TMEM120B: variants seen among roughly 807,000 people sequenced by gnomAD.
TMEM120B encodes transmembrane protein 120B.
TMEM120B carries 31 observed loss-of-function variants against 55.5 expected under a neutral mutation model. The observed-to-expected ratio is 0.56, with a 90% CI of 0.42 to 0.75. TMEM120B has a LOEUF of 0.75. TMEM120B is among the 30% of genes least tolerant of loss of function. The pLI is 0.00. For synonymous variants in TMEM120B, 203 were observed against 176.3 expected, an observed-to-expected ratio of 1.15 and a Z score of -1.20; for missense variants, 399 against 425.5, an observed-to-expected ratio of 0.94 and a Z score of 0.55.
At chr12:121,771,249 C>A (rs994746777) in intron 7 of TMEM120B, among the ~76,000 whole-genome samples, 4 of 152,104 alleles carry the variant, frequency 2.6e-5, no homozygotes, top group Admixed American at 6.5e-5. Context: ...AAGGAGACTG[C>A]GGAGGACAGA....
intron 1 of TMEM120B, among the ~76,000 whole-genome samples, chr12:121,729,400 G>C (rs970890192): frequency 1.3e-5 from 2 of 152,222 alleles, no homozygotes; most frequent in African/African-American, 4.8e-5. Flanking sequence ...AATGCCCCAT[G>C]CACAGTGCAT....
intron 1 of TMEM120B, among the ~76,000 whole-genome samples, chr12:121,731,684 TTC>T (rs752551189): frequency 2.1e-4 from 32 of 152,352 alleles, no homozygotes; most frequent in Non-Finnish European, 3.1e-4. Context: ...AATAATGCAT[TTC>T]TTAGAACGAT....
chr12:121,780,498 A>T lies in TMEM120B; in HGVS notation c.*4776A>T, dbSNP rs962165724. The stretch of plus-strand genomic sequence containing the variant: ...GTGAAGGGGACGCCTACTTTCAAAC[A>T]AGGCAGACAGGACACGACAGGACGG... On this transcript the variant is annotated 3_prime_UTR_variant, in exon 12 of 12. Coordinates refer to ENST00000449592, the MANE Select transcript of TMEM120B (RefSeq NM_001080825.2). The T allele has an allele frequency of 2.4e-5, 9 of 374,282 alleles. No individual in the cohort carries two copies. The highest frequency in any genetic ancestry group is 6.2e-5 in the African/African-American group (3 of 48,376). The allele number at this position is 374,282 out of a possible 1,614,324, so 23.2% of individuals were successfully genotyped here.
At position 121,776,832 on chromosome 12, in the gene TMEM120B, C is replaced by G. The variant is rs927316383; in HGVS notation, c.*1110C>G. ...TTTTTTTTGAGACAGGGTCTGTTGC[C>G]TAGGCGGGAGTGCAGTGGCATCATA... is the stretch of plus-strand genomic sequence containing the variant. On this transcript the variant is annotated 3_prime_UTR_variant, in exon 12 of 12. Coordinates refer to ENST00000449592, the MANE Select transcript of TMEM120B (RefSeq NM_001080825.2). The G allele has an allele frequency of 6.6e-6, 1 of 151,798 alleles. No homozygotes were observed. Among genetic ancestry groups the G allele is most frequent in the African/African-American group, 2.4e-5 (1 of 41,194 alleles). 9.4% of individuals were successfully genotyped at this position (151,798 alleles called of 1,614,324 possible).
chr12:121,781,801 C>T lies in TMEM120B; in HGVS notation c.*6079C>T, dbSNP rs917544031. 6.5e-6 allele frequency: 1 copy of T among 153,308 alleles called. No individual in the cohort carries two copies. The highest frequency in any genetic ancestry group is 2.4e-5 in the African/African-American group (1 of 41,410). The allele number at this position is 153,308 out of a possible 1,614,324, so 9.5% of individuals were successfully genotyped here. A position where few individuals can be genotyped will look rare whatever the true frequency, so the allele number is the denominator to read the frequency against. Reference sequence around the variant, plus strand: ...CAGCTGAGTTCCCTGCCTATTCTTGCAAGCACTAGGAGGAGGGTGGTGGGT... The same window carrying T: ...CAGCTGAGTTCCCTGCCTATTCTTGTAAGCACTAGGAGGAGGGTGGTGGGT... On this transcript the variant is annotated 3_prime_UTR_variant, in exon 12 of 12. Transcript: ENST00000449592.
At chr12:121,728,030 C>CTTTCCCCCT (rs1208597274) in intron 1 of TMEM120B, among the ~76,000 whole-genome samples, 1 of 151,858 alleles carries the variant, frequency 6.6e-6, no homozygotes, top group East Asian at 2.0e-4. Flanking sequence ...CCCCCTAAGA[C>CTTTCCCCCT]AGAGTCTCAC....
chr12:121,713,403 C>T (rs986110278), intron 1 of TMEM120B, among the ~76,000 whole-genome samples: 6 of 152,216 alleles, frequency 3.9e-5, no homozygotes, highest in South Asian at 2.1e-4. Context: ...GCAGCACTAT[C>T]CTGCAGCTCT....
chr12:121,723,946 A>AC (rs1477300909), intron 1 of TMEM120B, among the ~76,000 whole-genome samples: 10 of 151,406 alleles, frequency 6.6e-5, no homozygotes, highest in African/African-American at 2.4e-4. Context: ...GACTACAGGC[A>AC]CATACCACCA....
intron 5 of TMEM120B, among the ~76,000 whole-genome samples, chr12:121,752,503 A>G (rs758965444): frequency 2.0e-5 from 3 of 152,218 alleles, no homozygotes; most frequent in African/African-American, 2.4e-5. Flanking sequence ...CTGTAATCCC[A>G]GTACTTTGGG....
intron 3 of TMEM120B, among the ~76,000 whole-genome samples, 156 bp downstream of exon 3, chr12:121,748,598 T>C (rs1277859738): frequency 6.6e-6 from 1 of 151,984 alleles, no homozygotes; most frequent in African/African-American, 2.4e-5. Context: ...TACACATTCC[T>C]CCATGAGCCC....
intron 1 of TMEM120B, among the ~76,000 whole-genome samples, chr12:121,726,263 T>TTA (rs1466003508): frequency 6.6e-6 from 1 of 151,950 alleles, no homozygotes; most frequent in Non-Finnish European, 1.5e-5. Flanking sequence ...GGCATGTAAA[T>TTA]TATATATCAA....
intron 2 of TMEM120B, among the ~76,000 whole-genome samples, chr12:121,746,623 G>A (rs1873091826): frequency 6.6e-6 from 1 of 152,082 alleles, no homozygotes; most frequent in Non-Finnish European, 1.5e-5. Flanking sequence ...GTATGTGCTG[G>A]GACTATAACA....
At chr12:121,736,361 G>T (rs1443625771) in intron 1 of TMEM120B, among the ~76,000 whole-genome samples, 2 of 151,026 alleles carry the variant, frequency 1.3e-5, no homozygotes, top group African/African-American at 2.4e-5. Flanking sequence ...GTAGAGACGG[G>T]GTTTTACCAT....
chr12:121,766,764 C>T (rs2137334377), intron 6 of TMEM120B, among the ~76,000 whole-genome samples: 1 of 152,320 alleles, frequency 6.6e-6, no homozygotes, highest in South Asian at 2.1e-4. Flanking sequence ...TGAGGATGGG[C>T]TGTGATCAGC....
rs754409438 is a variant in TMEM120B, at chr12:121,779,573, C to A, written c.*3851C>A. The stretch of plus-strand genomic sequence containing the variant: ...GAGCGCTGAGAGCCACCTTGGCGGC[C>A]TCCCGGAAGACGTCCTCCACATTCT... On this transcript the variant is annotated 3_prime_UTR_variant, in exon 12 of 12. Coordinates refer to ENST00000449592, the MANE Select transcript of TMEM120B (RefSeq NM_001080825.2). The A allele has an allele frequency of 6.2e-7, 1 of 1,614,158 alleles. No homozygotes were observed. The highest frequency in any genetic ancestry group is 8.5e-7 in the Non-Finnish European group (1 of 1,180,042).
chr12:121,758,132 T>G, intron 5 of TMEM120B: 1 of 984,520 alleles, frequency 1.0e-6, no homozygotes, highest in Non-Finnish European at 1.2e-6. Context: ...AGACAGAGCC[T>G]TTGTCAGTGC....
intron 1 of TMEM120B, among the ~76,000 whole-genome samples, chr12:121,715,799 C>T (rs963839954): frequency 1.3e-5 from 2 of 151,914 alleles, no homozygotes; most frequent in South Asian, 2.1e-4. Context: ...ATTCCCTGGA[C>T]GGGGGCCACA....
At chr12:121,722,687 T>TAGTCCAAGTATAAAGTCCAAGTATAA (rs1894817203) in intron 1 of TMEM120B, among the ~76,000 whole-genome samples, 1 of 152,106 alleles carries the variant, frequency 6.6e-6, no homozygotes, top group Non-Finnish European at 1.5e-5. Context: ...ACATTGTATG[T>TAGTCCAAGTATAAAGTCCAAGTATAA]AGTCCAAGTA....
intron 6 of TMEM120B, among the ~76,000 whole-genome samples, chr12:121,765,466 A>G (rs1015619103): frequency 6.6e-6 from 1 of 151,902 alleles, no homozygotes; most frequent in Non-Finnish European, 1.5e-5. Flanking sequence ...TATGGCATAT[A>G]TGGTTCAAGG....
Sources: allele counts gnomAD v4.1 joint callset (sites outside exome capture counted in the v4.1 genomes callset), GRCh38; gene constraint gnomAD v4.1.1; transcripts MANE v1.5; gene names NCBI Gene and HGNC (gene_info 2026-07-23, HGNC 2026-07-21).